Variants in ABI3BP observed in about 807,000 individuals in gnomAD.
ABI3BP encodes target of Nesh-SH3.
ABI3BP carries 216 observed loss-of-function variants against 268.6 expected under a neutral mutation model. The observed-to-expected ratio is 0.80, with a 90% confidence interval of 0.72 to 0.90. The LOEUF is 0.90. ABI3BP is among the 40% of genes least tolerant of loss of function. ABI3BP has a pLI of 0.00. For missense variants in ABI3BP, 2,090 were observed against 2,182.4 expected (o/e 0.96, Z 0.84); for synonymous variants, 730 against 730.0 (o/e 1.00, Z 0.00).
chr3:100,854,548 A>G (rs2098917098), intron 14 of ABI3BP, among the ~76,000 whole-genome samples: 2 of 152,222 alleles, frequency 1.3e-5, no homozygotes, highest in South Asian at 4.1e-4. Flanking sequence ...AAAATTGATA[A>G]GTAGCCAAGA....
intron 12 of ABI3BP, 113 bp downstream of exon 12, chr3:100,863,889 G>A (rs2099023961): frequency 2.5e-6 from 2 of 795,632 alleles, no homozygotes; most frequent in African/African-American, 3.4e-5. Flanking sequence ...TGAAGACTGT[G>A]TCACCTTTAA....
chr3:100,790,386 A>T (rs1023599215), intron 55 of ABI3BP, among the ~76,000 whole-genome samples: 7 of 151,958 alleles, frequency 4.6e-5, no homozygotes, highest in Non-Finnish European at 7.4e-5. Flanking sequence ...ATGTTTTTGG[A>T]AAAATTTTTT....
chr3:100,766,964 C>G (rs1168243849), intron 62 of ABI3BP, among the ~76,000 whole-genome samples: 1 of 152,146 alleles, frequency 6.6e-6, no homozygotes, highest in Non-Finnish European at 1.5e-5. Flanking sequence ...AAATAAAAAA[C>G]TAGAATAACC....
In ABI3BP at chr3:100,773,769, A is replaced by C. The variant is rs74950885; in HGVS notation, c.4531+836T>G. 3.1e-3 allele frequency among the ~76,000 whole-genome samples: 467 copies of C among 152,358 alleles called. 4 individuals are homozygous for C. Among genetic ancestry groups the C allele is most frequent in the African/African-American group, 0.011 (447 of 41,574 alleles). ...GCTAGTCAGCAATAAAAAGGAATGG[A>C]CTACTGATATACATGCAGCAACATA... On this transcript the variant is annotated intron_variant, in intron 61 of 67. Transcript: ENST00000471714.
intron 29 of ABI3BP, 56 bp from the exon 30 acceptor site, chr3:100,833,213 GA>G (rs2152827322): frequency 6.9e-7 from 1 of 1,441,090 alleles, no homozygotes; most frequent in Admixed American, 2.0e-5. Context: ...TTAAACACAC[GA>G]GAAAAGCCAT....
chr3:100,753,293 G>C (rs1054339910), intron 65 of ABI3BP, among the ~76,000 whole-genome samples: 2 of 151,666 alleles, frequency 1.3e-5, no homozygotes, highest in African/African-American at 4.8e-5. Flanking sequence ...TGGAAATGAG[G>C]GTGTTAATAT....
intron 6 of ABI3BP, 129 bp downstream of exon 6, chr3:100,885,407 C>G: frequency 2.1e-6 from 1 of 473,900 alleles, no homozygotes; most frequent in Non-Finnish European, 3.7e-6. Context: ...ATTCCTAAAA[C>G]TAAGTACTTT....
chr3:100,779,403 G>A (rs2096801159), intron 58 of ABI3BP, among the ~76,000 whole-genome samples: 1 of 152,240 alleles, frequency 6.6e-6, no homozygotes, highest in East Asian at 1.9e-4. Flanking sequence ...AAAGGGTGGG[G>A]TAAACAGGCA....
intron 1 of ABI3BP, among the ~76,000 whole-genome samples, chr3:100,964,852 G>A (rs2080663565): frequency 6.6e-6 from 1 of 152,104 alleles, no homozygotes; most frequent in Admixed American, 6.5e-5. Flanking sequence ...CCAAATTCTG[G>A]CTTCTGCCCT....
At chr3:100,764,054 G>A (rs959025781) in intron 63 of ABI3BP, among the ~76,000 whole-genome samples, 4 of 151,884 alleles carry the variant, frequency 2.6e-5, no homozygotes, top group African/African-American at 7.3e-5. Flanking sequence ...TCCACTTACC[G>A]TTACTCATGC....
At chr3:100,830,485 T>C in intron 32 of ABI3BP, 93 bp downstream of exon 32, 1 of 1,073,114 alleles carries the variant, frequency 9.3e-7, no homozygotes, top group Middle Eastern at 2.0e-4. Flanking sequence ...CACAGAAGCC[T>C]TGTGAAGCGG....
At chr3:100,991,642 A>G (rs1478676971) in intron 1 of ABI3BP, among the ~76,000 whole-genome samples, 1 of 152,226 alleles carries the variant, frequency 6.6e-6, no homozygotes, top group South Asian at 2.1e-4. Flanking sequence ...ATAAAGAAAA[A>G]ACATAATATT....
chr3:100,977,936 A>G (rs2087091354), intron 1 of ABI3BP, among the ~76,000 whole-genome samples: 1 of 152,154 alleles, frequency 6.6e-6, no homozygotes, highest in Admixed American at 6.6e-5. Context: ...TGCATATGGT[A>G]GTAATTCTTC....
Position 100,794,497 on chromosome 3 carries a change from T to C in ABI3BP, c.3946+426A>G, listed in dbSNP as rs528061058. Among the ~76,000 whole-genome samples, 5 of 151,976 alleles carry C rather than the reference T, an allele frequency of 3.3e-5. No homozygotes were observed. The South Asian group carries it at 1.0e-3, about 32-fold the overall frequency. ...GCCCTCTAGTGTAAGGACTCCTCTT[T>C]AAAAGTTTCTTGTTAGAACTGCATC... On this transcript the variant is annotated intron_variant, in intron 54 of 67. Coordinates refer to ENST00000471714, the MANE Select transcript of ABI3BP (RefSeq NM_001375547.2).
intron 22 of ABI3BP, 87 bp from the exon 23 acceptor site, chr3:100,840,251 T>A: frequency 1.9e-6 from 2 of 1,039,470 alleles, no homozygotes; most frequent in Non-Finnish European, 2.7e-6. Context: ...GAAGGACATT[T>A]AAACCCTTTG....
At chr3:100,975,766 G>T (rs755466585) in intron 1 of ABI3BP, among the ~76,000 whole-genome samples, 3 of 151,998 alleles carry the variant, frequency 2.0e-5, no homozygotes, top group Non-Finnish European at 4.4e-5. Flanking sequence ...ACCACAGGGG[G>T]CCTTGTGGTT....
chr3:100,751,649 C>G lies in ABI3BP; in HGVS notation c.5148G>C (p.Gln1716His), dbSNP rs1042782303. The G allele has an allele frequency of 5.9e-5, 95 of 1,604,150 alleles. No individual in the cohort carries two copies. The highest frequency in any genetic ancestry group is 8.0e-5 in the Non-Finnish European group (94 of 1,174,854). The change falls in exon 67 of 68, where the codon CAG becomes CAC. Residue 1716 changes from glutamine to histidine, a missense_variant. By Grantham distance (24) the Gln-to-His change is conservative. Coordinates refer to ENST00000471714, the MANE Select transcript of ABI3BP (RefSeq NM_001375547.2). ...LTGKFYNIGD[Q>H]RGHGEDHCQF... ...GGCAGTGATCTTCTCCATGGCCCCT[C>G]TGATCACCTATGTTATAAAATTTTC...
In ABI3BP at chr3:100,765,903, G is replaced by T; in HGVS notation, c.4788C>A (p.Asn1596Lys). The T allele has an allele frequency of 6.2e-7, 1 of 1,613,008 alleles. No homozygotes were observed. Among genetic ancestry groups the T allele is most frequent in the Admixed American group, 1.7e-5 (1 of 59,948 alleles). Residue 1596 changes from asparagine (N) to lysine (K), a missense_variant, in exon 63 of 68, where the codon AAC becomes AAA. Physicochemically the swap from Asn to Lys is moderately conservative, Grantham distance 94. Coordinates refer to ENST00000471714, the MANE Select transcript of ABI3BP (RefSeq NM_001375547.2). Reference protein sequence around the residue: ...SRENGSFSGKNKSIQMTNQTF... With the variant: ...SRENGSFSGKKKSIQMTNQTF... ...TCTGATTTGTCATTTGAATGGACTT[G>T]TTCTTCCCACTGAATGACCCATTTT...
intron 59 of ABI3BP, among the ~76,000 whole-genome samples, chr3:100,776,370 A>G (rs2096706194): frequency 6.6e-6 from 1 of 152,194 alleles, no homozygotes; most frequent in South Asian, 2.1e-4. Context: ...AAAACCCAAG[A>G]GAAGTTGCAC....
Sources: allele counts gnomAD v4.1 joint callset (sites outside exome capture counted in the v4.1 genomes callset), GRCh38; gene constraint gnomAD v4.1.1; transcripts MANE v1.5; gene names NCBI Gene and HGNC (gene_info 2026-07-23, HGNC 2026-07-21).